FAM204A: variants seen among roughly 807,000 people sequenced by gnomAD.
FAM204A encodes protein FAM204A.
FAM204A carries 16 observed loss-of-function variants against 35.4 expected under a neutral mutation model. That is an observed-to-expected ratio of 0.45 (90% CI 0.31 to 0.69). The LOEUF (loss-of-function observed/expected upper bound fraction) is 0.69. FAM204A is among the 30% of genes least tolerant of loss of function. The pLI, the probability that FAM204A is intolerant of heterozygous loss-of-function variation, is 0.07. For missense variants in FAM204A, 240 were observed against 265.7 expected, an observed-to-expected ratio of 0.90 and a Z score of 0.67; for synonymous variants, 76 against 86.9, an observed-to-expected ratio of 0.88 and a Z score of 0.70.
At chr10:118,332,548 A>C (rs74164043) in intron 6 of FAM204A, among the ~76,000 whole-genome samples, 1 of 109,014 alleles carries the variant, frequency 9.2e-6, no homozygotes, top group Non-Finnish European at 2.1e-5. Context: ...CTCCCTCCAC[A>C]TCCCTATGCC....
intron 6 of FAM204A, among the ~76,000 whole-genome samples, chr10:118,329,465 G>C (rs1287276178): frequency 6.6e-6 from 1 of 152,058 alleles, no homozygotes; most frequent in Non-Finnish European, 1.5e-5. Context: ...CTGTGCCTCT[G>C]ATGTGCTTCT....
intron 2 of FAM204A, among the ~76,000 whole-genome samples, chr10:118,340,686 A>T (rs1182423944): frequency 6.6e-6 from 1 of 152,200 alleles, no homozygotes; most frequent in Non-Finnish European, 1.5e-5. Flanking sequence ...TTACAACAGG[A>T]AACACTAGAA....
chr10:118,322,886 G>A (rs1846140132), intron 7 of FAM204A, among the ~76,000 whole-genome samples: 1 of 152,072 alleles, frequency 6.6e-6, no homozygotes, highest in Non-Finnish European at 1.5e-5. Flanking sequence ...AGAACCTGCA[G>A]TAAAATAAAT....
In FAM204A at chr10:118,336,384, T is replaced by C; in HGVS notation, c.32A>G (p.Asn11Ser). 1 of 1,613,776 alleles carries C rather than the reference T, an allele frequency of 6.2e-7. No homozygotes were observed. Among genetic ancestry groups the C allele is most frequent in the Non-Finnish European group, 8.5e-7 (1 of 1,179,792 alleles). Residue 11 changes from asparagine to serine, a missense_variant, in exon 3 of 9, where the codon AAT (asparagine) becomes AGT (serine). By Grantham distance (46) the Asn-to-Ser change is conservative. Transcript: ENST00000369183. Reference protein sequence around the residue: MWSGLLPPGLNESDAESNSED... With the variant: MWSGLLPPGLSESDAESNSED... ...CGAGTTTGACTCAGCGTCACTTTCA[T>C]TTAGGCCAGGAGGTAGCAGCCCACT...
chr10:118,323,522 T>A (rs1218884352), intron 7 of FAM204A, among the ~76,000 whole-genome samples: 1 of 152,112 alleles, frequency 6.6e-6, no homozygotes, highest in Non-Finnish European at 1.5e-5. Flanking sequence ...TGCCACCACC[T>A]TCTGCATCCC....
chr10:118,327,383 A>G (rs1229828025), intron 6 of FAM204A, among the ~76,000 whole-genome samples: 1 of 152,218 alleles, frequency 6.6e-6, no homozygotes, highest in African/African-American at 2.4e-5. Context: ...TGTTGCTAAG[A>G]GAAGACGATT....
At chr10:118,312,253 T>C (rs1480614400) in intron 7 of FAM204A, among the ~76,000 whole-genome samples, 1 of 152,224 alleles carries the variant, frequency 6.6e-6, no homozygotes, top group Non-Finnish European at 1.5e-5. Flanking sequence ...CTCTTTGGTG[T>C]TTCTTGCCTT....
chr10:118,335,039 G>T, intron 6 of FAM204A, 75 bp downstream of exon 6: 1 of 1,053,290 alleles, frequency 9.5e-7, no homozygotes, highest in Non-Finnish European at 1.5e-6. Context: ...AATTAATGAG[G>T]ACAAGTACTT....
intron 7 of FAM204A, among the ~76,000 whole-genome samples, chr10:118,313,165 A>T (rs1845979713): frequency 6.6e-6 from 1 of 152,164 alleles, no homozygotes; most frequent in Non-Finnish European, 1.5e-5. Context: ...AAAAAAAAAA[A>T]ATCAAGTTAA....
chr10:118,332,697 A>C (rs2133288676), intron 6 of FAM204A, among the ~76,000 whole-genome samples: 1 of 152,354 alleles, frequency 6.6e-6, no homozygotes. Flanking sequence ...CGAAAAAGCT[A>C]CACTATACAA....
At chr10:118,331,299 T>G (rs1402529735) in intron 6 of FAM204A, among the ~76,000 whole-genome samples, 1 of 152,190 alleles carries the variant, frequency 6.6e-6, no homozygotes, top group Non-Finnish European at 1.5e-5. Flanking sequence ...GAGGAGCTAC[T>G]GATAGCCTGC....
At chr10:118,336,035 T>C in intron 3 of FAM204A, 147 bp downstream of exon 3, 1 of 855,334 alleles carries the variant, frequency 1.2e-6, no homozygotes, top group South Asian at 2.1e-5. Flanking sequence ...AAGTGGCCGA[T>C]GCCTCAGAGA....
intron 7 of FAM204A, among the ~76,000 whole-genome samples, chr10:118,312,468 G>A (rs1453666565): frequency 6.6e-6 from 1 of 152,174 alleles, no homozygotes; most frequent in Non-Finnish European, 1.5e-5. Flanking sequence ...TGGCACGCTT[G>A]ACATGTCTTT....
intron 7 of FAM204A, among the ~76,000 whole-genome samples, chr10:118,314,637 T>G (rs1846002862): frequency 6.6e-6 from 1 of 152,162 alleles, no homozygotes; most frequent in Non-Finnish European, 1.5e-5. Flanking sequence ...AAATGCATCT[T>G]CATGCTCAAT....
At position 118,302,553 on chromosome 10, in the gene FAM204A, C is replaced by A. The variant is rs1845819198; in HGVS notation, c.*8304G>T. 6.6e-6 allele frequency: 1 copy of A among 152,352 alleles called. No homozygotes were observed. The highest frequency in any genetic ancestry group is 6.5e-5 in the Admixed American group (1 of 15,308). 9.4% of individuals were successfully genotyped at this position (152,352 alleles called of 1,614,324 possible). ...CTGAGGACTTTAATTAAGCCCTCCACCATCGGGAATGGAACTTTTATGTAC... is the reference window on the plus strand; with the variant it reads ...CTGAGGACTTTAATTAAGCCCTCCAACATCGGGAATGGAACTTTTATGTAC... On this transcript the variant is annotated 3_prime_UTR_variant, in exon 9 of 9. Transcript: ENST00000369183.
At chr10:118,321,794 G>A (rs534314910) in intron 7 of FAM204A, among the ~76,000 whole-genome samples, 10 of 150,646 alleles carry the variant, frequency 6.6e-5, no homozygotes, top group South Asian at 2.1e-4. Context: ...CCTCTAAGGC[G>A]CTAGTTCTGT....
rs1335528166 is a variant in FAM204A at position 118,301,608 on chromosome 10, T to C, written c.*9249A>G. ...GCAAAGATAGTTTGGAACAAAAGGG[T>C]ACTTAGTGCCTTGCTTCCAAGACGT... On this transcript the variant is annotated 3_prime_UTR_variant, in exon 9 of 9. Transcript: ENST00000369183. 1 of 152,158 alleles carries C rather than the reference T, an allele frequency of 6.6e-6. No homozygotes were observed. The highest frequency in any genetic ancestry group is 1.5e-5 in the Non-Finnish European group (1 of 68,034). The allele number at this position is 152,158 out of a possible 1,614,324, so 9.4% of individuals were successfully genotyped here.
chr10:118,330,302 C>T (rs953066055), intron 6 of FAM204A, among the ~76,000 whole-genome samples: 5 of 152,300 alleles, frequency 3.3e-5, no homozygotes, highest in Admixed American at 6.5e-5. Context: ...TCCAATCTCA[C>T]GCAGGGAAGC....
chr10:118,314,027 T>C (rs1033805400), intron 7 of FAM204A, among the ~76,000 whole-genome samples: 3 of 152,314 alleles, frequency 2.0e-5, no homozygotes, highest in Admixed American at 6.5e-5. Flanking sequence ...GCTCCAGCAA[T>C]GCTAAGGCCA....
Sources: gnomAD v4.1 joint callset for allele counts (sites outside exome capture counted in the v4.1 genomes callset) on GRCh38, gnomAD v4.1.1 for gene constraint, MANE v1.5 for transcripts, NCBI Gene and HGNC (gene_info 2026-07-23, HGNC 2026-07-21) for gene names.